The following ZNF506 variants were observed in gnomAD, a reference collection of about 807,000 sequenced individuals.
ZNF506 encodes zinc finger protein 506.
A neutral mutation model predicts 11.6 loss-of-function variants in ZNF506; 10 were observed. The observed-to-expected ratio is 0.86, with a 90% CI of 0.53 to 1.46. The LOEUF is 1.46. Ranked by LOEUF, ZNF506 falls within the 40% of genes most tolerant of loss-of-function variation. ZNF506 has a pLI of 0.00. For synonymous variants in ZNF506, 156 were observed against 173.3 expected (o/e 0.90, Z 0.78); for missense variants, 425 against 521.2 (o/e 0.82, Z 1.80).
rs939846493 is a variant in ZNF506, at chr19:19,816,028, T to C, written c.3+5573A>G. On this transcript the variant is annotated intron_variant, in intron 1 of 3. Coordinates refer to ENST00000540806, the MANE Select transcript of ZNF506 (RefSeq NM_001099269.3). ...CTTTGTGTGCTCCAGGAACAGTTTA[T>C]GGAAAGAAACACCCTTCCCATTATG... Among the ~76,000 whole-genome samples the C allele has an allele frequency of 3.3e-5, 5 of 152,154 alleles. No homozygotes were observed. In the East Asian group the frequency reaches 5.8e-4, roughly 18 times the overall value.
intron 1 of ZNF506, among the ~76,000 whole-genome samples, chr19:19,811,022 G>A (rs182079132): frequency 3.0e-4 from 46 of 152,292 alleles, no homozygotes; most frequent in African/African-American, 1.0e-3. Context: ...GGTACTTCCA[G>A]TTTTGTTTTT....
At chr19:19,816,190 CTT>C (rs1255591453) in intron 1 of ZNF506, among the ~76,000 whole-genome samples, 1 of 145,246 alleles carries the variant, frequency 6.9e-6, no homozygotes, top group Admixed American at 6.9e-5. Flanking sequence ...CTTTTCTTTT[CTT>C]TTTTTTTTTG....
In ZNF506 at chr19:19,810,329, C is replaced by T. The variant is rs2062874098; in HGVS notation, c.4-3261G>A. Among the ~76,000 whole-genome samples the T allele has an allele frequency of 2.0e-5, 3 of 152,166 alleles. No homozygotes were observed. The South Asian group carries it at 6.2e-4, about 32-fold the overall frequency. Reference sequence around the variant, plus strand: ...CTTTGCTGGTTCTTTACAGACAAAACAGAAGGCAGCAATGTCTGAGTAAGT... The same window carrying T: ...CTTTGCTGGTTCTTTACAGACAAAATAGAAGGCAGCAATGTCTGAGTAAGT... On this transcript the variant is annotated intron_variant, in intron 1 of 3. Coordinates refer to ENST00000540806, the MANE Select transcript of ZNF506 (RefSeq NM_001099269.3).
At chr19:19,814,977 G>A (rs1252505913) in intron 1 of ZNF506, among the ~76,000 whole-genome samples, 1 of 152,210 alleles carries the variant, frequency 6.6e-6, no homozygotes, top group African/African-American at 2.4e-5. Flanking sequence ...GCCATTGTGG[G>A]CCGGGCGCTG....
chr19:19,804,850 C>T (rs1174667960), intron 3 of ZNF506, among the ~76,000 whole-genome samples: 1 of 151,976 alleles, frequency 6.6e-6, no homozygotes, highest in Non-Finnish European at 1.5e-5. Flanking sequence ...ACCAAACACC[C>T]CATGTTCTCA....
At chr19:19,808,843 CAAAAAAAAAA>C (rs35282430) in intron 1 of ZNF506, among the ~76,000 whole-genome samples, 1 of 82,722 alleles carries the variant, frequency 1.2e-5, no homozygotes, top group Admixed American at 1.4e-4. Flanking sequence ...GACTCTGTCT[CAAAAAAAAAA>C]AAAAAAAAAA....
At chr19:19,809,883 C>T (rs910196816) in intron 1 of ZNF506, among the ~76,000 whole-genome samples, 1 of 152,144 alleles carries the variant, frequency 6.6e-6, no homozygotes, top group African/African-American at 2.4e-5. Flanking sequence ...CTGGCCTCAC[C>T]TTAGAGTCAT....
At chr19:19,806,259 T>C in intron 2 of ZNF506, 133 bp from the exon 3 acceptor site, 1 of 574,602 alleles carries the variant, frequency 1.7e-6, no homozygotes, top group Non-Finnish European at 2.5e-6. Context: ...ATAACAGAAA[T>C]TTTTTTTCTT....
Position 19,816,171 on chromosome 19 carries a change from ATTTCT to A in ZNF506, c.3+5425_3+5429del, listed in dbSNP as rs537306271. On this transcript the variant is annotated intron_variant, in intron 1 of 3. Coordinates refer to ENST00000540806, the MANE Select transcript of ZNF506 (RefSeq NM_001099269.3). Reference sequence around the variant, plus strand: ...TTGTTTTCAGTGGTCATAATGAAATATTTCTTTTCTTTTCTTTTCTTTTTTTTTTT... The same window carrying A: ...TTGTTTTCAGTGGTCATAATGAAATATTTCTTTTCTTTTCTTTTTTTTTTT... 2.0e-3 allele frequency among the ~76,000 whole-genome samples: 304 copies of A among 150,240 alleles called. 2 individuals carry two copies. The highest frequency in any genetic ancestry group is 6.6e-3 in the African/African-American group (271 of 40,828).
intron 2 of ZNF506, 122 bp downstream of exon 2, chr19:19,806,820 C>G: frequency 8.2e-7 from 1 of 1,220,116 alleles, no homozygotes; most frequent in Non-Finnish European, 1.1e-6. Context: ...GAAGATTTTT[C>G]TGGAAAAAGG....
chr19:19,809,725 A>G (rs1488102591), intron 1 of ZNF506, among the ~76,000 whole-genome samples: 2 of 152,080 alleles, frequency 1.3e-5, no homozygotes, highest in African/African-American at 4.8e-5. Context: ...TGCCACAGAC[A>G]CCAGCAATTT....
At chr19:19,796,965 C>T (rs1183729751) in intron 3 of ZNF506, 6 of 151,958 alleles carry the variant, frequency 3.9e-5, no homozygotes, top group East Asian at 1.9e-4. Context: ...CTATCCAAGA[C>T]GATTGATTTT....
intron 1 of ZNF506, among the ~76,000 whole-genome samples, chr19:19,810,528 ATTTC>A (rs1219448978): frequency 6.6e-6 from 1 of 152,116 alleles, no homozygotes; most frequent in Non-Finnish European, 1.5e-5. Flanking sequence ...CAGCATTTTT[ATTTC>A]TTCTATTTAT....
Position 19,795,471 on chromosome 19 carries a change from G to C in ZNF506, c.416C>G (p.Thr139Ser). The change falls in exon 4 of 4, where the codon ACT becomes AGT. Residue 139 changes from threonine to serine, a missense_variant. Physicochemically the swap from Thr to Ser is moderately conservative, Grantham distance 58. This residue lies in a region of ZNF506 where 226 missense variants were observed against 279.1 expected (regional missense o/e 0.81). Coordinates refer to ENST00000540806, the MANE Select transcript of ZNF506 (RefSeq NM_001099269.3). ...ACATTGAAATATTTTTCTCTGGGTA[G>C]TTGCCAAACATTGTTTAAGTCCATT... ...GYNGLKQCLA[T>S]TQRKIFQCDE... 6.3e-7 allele frequency: 1 copy of C among 1,594,628 alleles called. No individual in the cohort carries two copies. Among genetic ancestry groups the C allele is most frequent in the Non-Finnish European group, 8.5e-7 (1 of 1,172,870 alleles).
intron 1 of ZNF506, among the ~76,000 whole-genome samples, chr19:19,814,160 G>A (rs1190434074): frequency 3.9e-5 from 6 of 151,982 alleles, no homozygotes; most frequent in African/African-American, 9.7e-5. Flanking sequence ...TGTAATCCCA[G>A]CACTGTGGGA....
At chr19:19,812,680 CT>C (rs1421787488) in intron 1 of ZNF506, among the ~76,000 whole-genome samples, 1 of 152,156 alleles carries the variant, frequency 6.6e-6, no homozygotes, top group African/African-American at 2.4e-5. Flanking sequence ...AAGTCTGGCC[CT>C]TTTTTATCTG....
intron 1 of ZNF506, among the ~76,000 whole-genome samples, chr19:19,820,078 A>ACGTC (rs1318446943): frequency 1.3e-5 from 2 of 151,660 alleles, no homozygotes; most frequent in Non-Finnish European, 2.9e-5. Context: ...GCATGGCGAC[A>ACGTC]GAGTGAGACT....
intron 3 of ZNF506, among the ~76,000 whole-genome samples, chr19:19,804,601 A>G (rs2062820363): frequency 6.6e-6 from 1 of 152,258 alleles, no homozygotes; most frequent in South Asian, 2.1e-4. Context: ...CCAAAGGATT[A>G]TAAGTCATGC....
rs1170158449 is a variant in ZNF506 at position 19,793,097 on chromosome 19, T to C, written c.*1455A>G. ...AGCGTAAAGAAATTTGAAAGTTGTA[T>C]TACATCATTATTCACTGTTCAAAAA... On this transcript the variant is annotated 3_prime_UTR_variant, in exon 4 of 4. Coordinates refer to ENST00000540806, the MANE Select transcript of ZNF506 (RefSeq NM_001099269.3). Among the ~76,000 whole-genome samples, 1 of 152,144 alleles carries C rather than the reference T, an allele frequency of 6.6e-6. No homozygotes were observed. Among genetic ancestry groups the C allele is most frequent in the Admixed American group, 6.5e-5 (1 of 15,282 alleles).
Sources: allele counts gnomAD v4.1 joint callset (sites outside exome capture counted in the v4.1 genomes callset), GRCh38; gene constraint gnomAD v4.1.1; regional missense constraint gnomAD v4.1.1; transcripts MANE v1.5; gene names NCBI Gene and HGNC (gene_info 2026-07-23, HGNC 2026-07-21).